Variants in HDAC9 observed in about 807,000 individuals in gnomAD.
HDAC9 encodes the protein MEF-2 interacting transcription repressor (MITR) protein.
HDAC9 carries 41 observed loss-of-function variants against 139.4 expected under a neutral mutation model. The ratio of observed to expected loss-of-function variants is 0.29; its 90% CI spans 0.23 to 0.38. The LOEUF is 0.38. Ranked by LOEUF, HDAC9 falls within the 10% of genes least tolerant of loss-of-function variation. The probability of loss-of-function intolerance (pLI) is 1.00; values close to 1 mark genes in which losing one functional copy is unlikely to be tolerated. For synonymous variants in HDAC9, 517 were observed against 476.2 expected, an observed-to-expected ratio of 1.09 and a Z score of -1.12; for missense variants, 1,147 against 1,297.0, an observed-to-expected ratio of 0.88 and a Z score of 1.78.
chr7:18,209,740 G>C (rs572749051), intron 2 of HDAC9, among the ~76,000 whole-genome samples: 1 of 151,236 alleles, frequency 6.6e-6, no homozygotes, highest in South Asian at 2.1e-4. Context: ...TCACTCTGTT[G>C]CCCAGGCTGG....
intron 12 of HDAC9, among the ~76,000 whole-genome samples, chr7:18,684,390 A>G (rs1782111121): frequency 6.6e-6 from 1 of 151,960 alleles, no homozygotes; most frequent in Non-Finnish European, 1.5e-5. Flanking sequence ...CTACAATCCC[A>G]GCACTTTGGG....
chr7:18,834,016 A>T (rs181077487), intron 19 of HDAC9, among the ~76,000 whole-genome samples: 2 of 152,304 alleles, frequency 1.3e-5, no homozygotes, highest in East Asian at 3.9e-4. Context: ...AATTGTTAAG[A>T]GTTTGGCCTT....
chr7:18,261,469 T>C (rs891256548), intron 2 of HDAC9, among the ~76,000 whole-genome samples: 4 of 152,180 alleles, frequency 2.6e-5, no homozygotes, highest in Admixed American at 1.3e-4. Context: ...ATACCACAGT[T>C]CAGTCCATTG....
At chr7:18,282,030 A>G (rs1445178480) in intron 2 of HDAC9, among the ~76,000 whole-genome samples, 1 of 152,198 alleles carries the variant, frequency 6.6e-6, no homozygotes, top group Non-Finnish European at 1.5e-5. Context: ...TTTTAAAACT[A>G]TATAGTAAAG....
chr7:18,355,746 C>T lies in HDAC9; in HGVS notation c.-42+65231C>T, dbSNP rs573419678. Among the ~76,000 whole-genome samples, 24 of 152,190 alleles carry T rather than the reference C, an allele frequency of 1.6e-4. No individual in the cohort carries two copies. In the South Asian group the frequency reaches 4.8e-3, roughly 30 times the overall value. ...TTGGTGAGGGATTTAACCCCCATTT[C>T]GTGACACTGATCAAGGCAGGACATT... On this transcript the variant is annotated intron_variant, in intron 1 of 3. Transcript: ENST00000413509.
intron 1 of HDAC9, among the ~76,000 whole-genome samples, chr7:18,142,369 C>T (rs1399401943): frequency 6.6e-6 from 1 of 152,156 alleles, no homozygotes; most frequent in African/African-American, 2.4e-5. Context: ...TCCTGCTCAT[C>T]CTTCTGTCCC....
intron 22 of HDAC9, among the ~76,000 whole-genome samples, chr7:18,879,849 GA>G (rs1799593804): frequency 6.6e-6 from 1 of 152,250 alleles, no homozygotes; most frequent in South Asian, 2.1e-4. Context: ...CACAGCAAAA[GA>G]AACTATGAAC....
chr7:18,798,727 G>C (rs114759766), intron 17 of HDAC9, among the ~76,000 whole-genome samples: 1 of 152,162 alleles, frequency 6.6e-6, no homozygotes, highest in African/African-American at 2.4e-5. Flanking sequence ...AATTAGTGGC[G>C]ATCACTCAAC....
chr7:18,606,087 C>T (rs117352906), intron 6 of HDAC9, among the ~76,000 whole-genome samples: 2,059 of 152,334 alleles, frequency 0.014, 16 homozygotes, highest in Middle Eastern at 0.058. Flanking sequence ...TCGTTACTGA[C>T]TCCATTGGCT....
At chr7:18,404,908 A>G (rs1787866752) in intron 1 of HDAC9, among the ~76,000 whole-genome samples, 1 of 152,256 alleles carries the variant, frequency 6.6e-6, no homozygotes, top group Admixed American at 6.5e-5. Context: ...GTGGGTGTCC[A>G]GAGCTCACCC....
At chr7:18,450,497 C>T (rs1326722461) in intron 1 of HDAC9, among the ~76,000 whole-genome samples, 1 of 152,168 alleles carries the variant, frequency 6.6e-6, no homozygotes, top group Non-Finnish European at 1.5e-5. Context: ...TAGTCTCCGC[C>T]CCTTTCCCAG....
intron 1 of HDAC9, among the ~76,000 whole-genome samples, chr7:18,442,168 A>C (rs556003920): frequency 6.6e-6 from 1 of 152,274 alleles, no homozygotes; most frequent in African/African-American, 2.4e-5. Context: ...AGTCAGAGCA[A>C]CCTACAGATG....
At position 18,438,645 on chromosome 7, in the gene HDAC9, C is replaced by T. The variant is rs200750428; in HGVS notation, c.-41-57617C>T. Among the ~76,000 whole-genome samples, 1,177 of 148,038 alleles carry T rather than the reference C, an allele frequency of 8.0e-3. 17 individuals carry two copies. The highest frequency in any genetic ancestry group is 0.028 in the African/African-American group (1,110 of 40,300). On this transcript the variant is annotated intron_variant, in intron 1 of 3. Coordinates refer to the HDAC9 transcript ENST00000413509. ...AAAAGACAGTGATATGCTGTGTGTG[C>T]GTGTGTGTGTGTGTGTGTGTGTGTG...
chr7:18,255,376 T>C (rs1033996075), intron 2 of HDAC9, among the ~76,000 whole-genome samples: 4 of 152,292 alleles, frequency 2.6e-5, no homozygotes, highest in Non-Finnish European at 4.4e-5. Flanking sequence ...AAGTTTTTCA[T>C]TGATTCTTGG....
chr7:18,239,956 T>G (rs543200388), intron 2 of HDAC9, among the ~76,000 whole-genome samples: 70 of 146,794 alleles, frequency 4.8e-4, no homozygotes, highest in African/African-American at 1.8e-3. Flanking sequence ...GCTGCATGTT[T>G]TTTTTTTTTT....
chr7:18,591,582 A>C lies in HDAC9; in HGVS notation c.482A>C (p.Lys161Thr). ...QEFLLSKSAT[K>T]DTPTNGKNHS... Reference sequence around the variant, plus strand: ...TTCCTACTGAGTAAATCAGCAACGAAAGACACTCCAACTAATGGAAAAAAT... The same window carrying C: ...TTCCTACTGAGTAAATCAGCAACGACAGACACTCCAACTAATGGAAAAAAT... The change falls in exon 5 of 26, where the codon AAA becomes ACA. Residue 161 changes from lysine (K) to threonine (T), a missense_variant. Lys to Thr is a moderately conservative substitution (Grantham distance 78). Transcript: ENST00000686413. 6.2e-7 allele frequency: 1 copy of C among 1,613,416 alleles called. No homozygotes were observed. Among genetic ancestry groups the C allele is most frequent in the Admixed American group, 1.7e-5 (1 of 59,812 alleles).
At chr7:18,554,579 C>T (rs1818215679) in intron 2 of HDAC9, among the ~76,000 whole-genome samples, 1 of 152,174 alleles carries the variant, frequency 6.6e-6, no homozygotes, top group Non-Finnish European at 1.5e-5. Flanking sequence ...TTGTGATCCA[C>T]CTGCCTCGGC....
chr7:18,873,727 G>A (rs1037930504), intron 21 of HDAC9, among the ~76,000 whole-genome samples: 3 of 152,084 alleles, frequency 2.0e-5, no homozygotes, highest in African/African-American at 7.2e-5. Context: ...TCAAGCCTAT[G>A]TTAAAAATTT....
intron 13 of HDAC9, among the ~76,000 whole-genome samples, chr7:18,729,872 T>C (rs887681322): frequency 6.6e-6 from 1 of 152,170 alleles, no homozygotes; most frequent in Non-Finnish European, 1.5e-5. Flanking sequence ...TCAATAAACA[T>C]TTTAGTTGAA....
Sources: allele counts gnomAD v4.1 joint callset (sites outside exome capture counted in the v4.1 genomes callset), GRCh38; gene constraint gnomAD v4.1.1; transcripts MANE v1.5; gene names NCBI Gene and HGNC (gene_info 2026-07-23, HGNC 2026-07-21).